TNR: variants seen among roughly 807,000 people sequenced by gnomAD.
The protein encoded by TNR is tenascin R.
A neutral mutation model predicts 150.4 loss-of-function variants in TNR; 45 were observed. The observed-to-expected ratio is 0.30, with a 90% confidence interval of 0.24 to 0.38. The LOEUF (loss-of-function observed/expected upper bound fraction) is 0.38, where lower values mean the gene tolerates loss of function less well. Ranked by LOEUF, TNR falls within the 10% of genes least tolerant of loss-of-function variation. TNR has a pLI of 1.00. For synonymous variants in TNR, 687 were observed against 678.4 expected (o/e 1.01, Z -0.20); for missense variants, 1,544 against 1,759.1 (o/e 0.88, Z 2.19).
intron 1 of TNR, among the ~76,000 whole-genome samples, chr1:175,635,117 C>A: frequency 6.6e-6 from 1 of 152,196 alleles, no homozygotes; most frequent in East Asian, 1.9e-4. Context: ...GCTCCATCCT[C>A]ACATACACCC....
intron 9 of TNR, 144 bp from the exon 10 acceptor site, chr1:175,367,441 G>A (rs747534263): frequency 8.6e-5 from 63 of 731,002 alleles, no homozygotes; most frequent in Non-Finnish European, 1.3e-4. Flanking sequence ...GAACTATTAA[G>A]AAATCCCAAT....
At chr1:175,657,687 G>A (rs1399320995) in intron 1 of TNR, among the ~76,000 whole-genome samples, 271 of 142,872 alleles carry the variant, frequency 1.9e-3, no homozygotes, top group African/African-American at 6.5e-3. Context: ...ACCAAACACC[G>A]CATGTTCTCA....
intron 1 of TNR, among the ~76,000 whole-genome samples, chr1:175,710,694 C>G (rs992739219): frequency 6.6e-6 from 1 of 152,140 alleles, no homozygotes; most frequent in Non-Finnish European, 1.5e-5. Flanking sequence ...AAGCTTAGGC[C>G]CTAACCACTT....
At chr1:175,374,847 C>T (rs1302615346) in intron 9 of TNR, among the ~76,000 whole-genome samples, 2 of 152,166 alleles carry the variant, frequency 1.3e-5, no homozygotes, top group East Asian at 3.8e-4. Context: ...ACCGTATGGG[C>T]CTGGCTCCTT....
intron 1 of TNR, among the ~76,000 whole-genome samples, chr1:175,538,448 C>A (rs549571665): frequency 1.3e-5 from 2 of 152,174 alleles, no homozygotes; most frequent in African/African-American, 2.4e-5. Flanking sequence ...TGGGTTAATA[C>A]AAAGTAGGCC....
At chr1:175,459,974 C>T (rs190906189) in intron 2 of TNR, among the ~76,000 whole-genome samples, 11 of 152,184 alleles carry the variant, frequency 7.2e-5, no homozygotes, top group East Asian at 5.8e-4. Context: ...GGCTCTTTTC[C>T]GATTCAGCAT....
chr1:175,424,691 G>C (rs1049242763), intron 2 of TNR, among the ~76,000 whole-genome samples: 1 of 152,136 alleles, frequency 6.6e-6, no homozygotes, highest in Non-Finnish European at 1.5e-5. Flanking sequence ...GGGAGTTACA[G>C]GACTGGAGGC....
intron 2 of TNR, among the ~76,000 whole-genome samples, chr1:175,447,550 A>G (rs1378416655): frequency 6.6e-6 from 1 of 152,200 alleles, no homozygotes; most frequent in Non-Finnish European, 1.5e-5. Context: ...TTCTCTATAA[A>G]TCAGCAAATT....
intron 20 of TNR, among the ~76,000 whole-genome samples, chr1:175,333,823 G>A (rs529637882): frequency 6.6e-6 from 1 of 152,312 alleles, no homozygotes; most frequent in African/African-American, 2.4e-5. Context: ...GCTCTGTGGA[G>A]GAGAAGGTGC....
chr1:175,650,918 C>T (rs181289935), intron 1 of TNR, among the ~76,000 whole-genome samples: 121 of 4,610 alleles, frequency 0.026, no homozygotes, highest in Non-Finnish European at 0.033. Flanking sequence ...TCATTACTAC[C>T]CCTCCCCACC....
At chr1:175,680,070 A>G (rs1665983093) in intron 1 of TNR, among the ~76,000 whole-genome samples, 1 of 152,184 alleles carries the variant, frequency 6.6e-6, no homozygotes, top group African/African-American at 2.4e-5. Flanking sequence ...CCCCCAGCTG[A>G]AGCCAACAAC....
intron 1 of TNR, among the ~76,000 whole-genome samples, chr1:175,700,727 C>T (rs1452019948): frequency 6.6e-6 from 1 of 152,148 alleles, no homozygotes; most frequent in Non-Finnish European, 1.5e-5. Context: ...ATCAGGGGCC[C>T]TCTTGGGTCC....
Position 175,610,210 on chromosome 1 carries a change from C to G in TNR, c.-164-81841G>C, listed in dbSNP as rs187616522. On this transcript the variant is annotated intron_variant, in intron 1 of 22. Transcript: ENST00000367674. ...TCACACATGGGAATGTTGAGTTTTA[C>G]CTAAGACACATGATCCTGGAAAACA... Among the ~76,000 whole-genome samples the G allele has an allele frequency of 4.3e-3, 648 of 152,262 alleles. 4 individuals carry two copies. Among genetic ancestry groups the G allele is most frequent in the African/African-American group, 0.015 (615 of 41,540 alleles).
chr1:175,714,527 T>C (rs371949209), intron 1 of TNR, among the ~76,000 whole-genome samples: 5 of 152,150 alleles, frequency 3.3e-5, no homozygotes, highest in African/African-American at 1.2e-4. Context: ...TCTAGATAGA[T>C]GGGCTGGTGA....
intron 1 of TNR, among the ~76,000 whole-genome samples, chr1:175,703,934 T>A (rs1193718787): frequency 2.0e-5 from 3 of 152,254 alleles, no homozygotes; most frequent in African/African-American, 7.2e-5. Context: ...TGCAGAGGGT[T>A]AATAATATTA....
At chr1:175,671,776 AG>A (rs1481177779) in intron 1 of TNR, among the ~76,000 whole-genome samples, 2 of 152,198 alleles carry the variant, frequency 1.3e-5, no homozygotes, top group African/African-American at 4.8e-5. Context: ...GCTTACCTCC[AG>A]GAACTGATCC....
intron 19 of TNR, among the ~76,000 whole-genome samples, chr1:175,336,111 C>T (rs1324310351): frequency 6.6e-6 from 1 of 152,148 alleles, no homozygotes; most frequent in Admixed American, 6.5e-5. Context: ...ATATCAAGCC[C>T]TAAATATCAG....
chr1:175,329,979 G>A (rs922841210), intron 21 of TNR, 95 bp downstream of exon 21: 16 of 1,297,396 alleles, frequency 1.2e-5, no homozygotes, highest in Non-Finnish European at 1.6e-5. Flanking sequence ...GAACTCTGTG[G>A]GTGCTGCTGC....
chr1:175,628,845 T>A (rs969189375), intron 1 of TNR, among the ~76,000 whole-genome samples: 1 of 152,196 alleles, frequency 6.6e-6, no homozygotes, highest in African/African-American at 2.4e-5. Flanking sequence ...GTCTATCAGA[T>A]CCCTCTGGGC....
Sources: allele counts gnomAD v4.1 joint callset (sites outside exome capture counted in the v4.1 genomes callset), GRCh38; gene constraint gnomAD v4.1.1; transcripts MANE v1.5; gene names NCBI Gene and HGNC (gene_info 2026-07-23, HGNC 2026-07-21).